IGSF10: variants seen among roughly 807,000 people sequenced by gnomAD.
IGSF10 encodes the protein immunoglobulin superfamily member 10.
In IGSF10, 126 loss-of-function variants were observed where a neutral mutation model predicts 128.2. The ratio of observed to expected loss-of-function variants is 0.98; its 90% CI spans 0.85 to 1.14. IGSF10 has a LOEUF of 1.14. Ranked by LOEUF, IGSF10 falls within the 50% of genes most tolerant of loss-of-function variation. IGSF10 has a pLI of 0.00. For missense variants in IGSF10, 3,295 were observed against 3,149.8 expected (o/e 1.05, Z -1.10); for synonymous variants, 1,185 against 1,146.2 (o/e 1.03, Z -0.68).
At chr3:151,613,696 G>C in the IGSF10 span, among the ~76,000 whole-genome samples, 1 of 151,826 alleles carries the variant, frequency 6.6e-6, no homozygotes, top group South Asian at 2.1e-4. Flanking sequence ...AAAGACTTAA[G>C]TGTTAGACCT....
the IGSF10 span, among the ~76,000 whole-genome samples, chr3:151,572,876 T>C: frequency 6.6e-6 from 1 of 152,246 alleles, no homozygotes; most frequent in Admixed American, 6.5e-5. Context: ...AGTTTCCCTG[T>C]ACACACTGCT....
chr3:151,439,123 G>A (rs1223748378), intron 7 of IGSF10, among the ~76,000 whole-genome samples: 1 of 152,042 alleles, frequency 6.6e-6, no homozygotes, highest in African/African-American at 2.4e-5. Flanking sequence ...TAATGAAGAG[G>A]CACATGCTAG....
At chr3:151,546,918 C>G in the IGSF10 span, among the ~76,000 whole-genome samples, 1 of 152,032 alleles carries the variant, frequency 6.6e-6, no homozygotes, top group Non-Finnish European at 1.5e-5. Context: ...TTACAGGCAA[C>G]TGCCACCACG....
the IGSF10 span, among the ~76,000 whole-genome samples, chr3:151,473,476 T>C: frequency 3.9e-5 from 6 of 152,240 alleles, no homozygotes; most frequent in Non-Finnish European, 8.8e-5. Flanking sequence ...GCAAAAGGTA[T>C]ATTGTGCTTC....
At chr3:151,610,903 C>T in the IGSF10 span, among the ~76,000 whole-genome samples, 1 of 152,126 alleles carries the variant, frequency 6.6e-6, no homozygotes, top group Non-Finnish European at 1.5e-5. Context: ...ATAATCACCT[C>T]ATAAAGGTCC....
chr3:151,494,513 T>C, the IGSF10 span, among the ~76,000 whole-genome samples: 55 of 152,218 alleles, frequency 3.6e-4, no homozygotes, highest in Non-Finnish European at 7.1e-4. Context: ...TGTTTAGTGA[T>C]GACTTTTCAA....
rs1220899851 is a variant in IGSF10, at chr3:151,438,408, G to A, written c.6153C>T (p.Leu2051=). Reference sequence around the variant, plus strand: ...AATCTACTTGGAAATCTTTCCCATGGAGCACTTGCTTTCTAAAATACTGCT... The same window carrying A: ...AATCTACTTGGAAATCTTTCCCATGAAGCACTTGCTTTCTAAAATACTGCT... The part of the protein sequence containing the change: ...DHKQYFRKQV[L]HGKDFQVDCK... Residue 2051 remains leucine (L), a synonymous_variant, in exon 8 of 8, where the codon CTC becomes CTT. Transcript: ENST00000282466. 6.2e-7 allele frequency: 1 copy of A among 1,614,092 alleles called. No individual in the cohort carries two copies. Among genetic ancestry groups the A allele is most frequent in the Non-Finnish European group, 8.5e-7 (1 of 1,180,016 alleles).
chr3:151,443,952 GT>G, intron 6 of IGSF10, 68 bp from the exon 7 acceptor site: 1 of 1,276,198 alleles, frequency 7.8e-7, no homozygotes, highest in Non-Finnish European at 1.1e-6. Flanking sequence ...TAAAGCTATC[GT>G]TTTTTGGGCT....
the IGSF10 span, among the ~76,000 whole-genome samples, chr3:151,592,221 TACACACACACACACACAC>T: frequency 4.2e-3 from 638 of 150,450 alleles, 6 homozygotes; most frequent in East Asian, 0.023. Flanking sequence ...TTGAGATTAA[TACACACACACACACACAC>T]ACACACACAC....
the IGSF10 span, among the ~76,000 whole-genome samples, chr3:151,492,609 T>C: frequency 6.6e-6 from 1 of 152,056 alleles, no homozygotes; most frequent in African/African-American, 2.4e-5. Context: ...TACCAGCTAC[T>C]TGGGAGGCTG....
At chr3:151,509,787 C>T in the IGSF10 span, among the ~76,000 whole-genome samples, 1 of 152,206 alleles carries the variant, frequency 6.6e-6, no homozygotes, top group Admixed American at 6.5e-5. Context: ...TAATACTGCA[C>T]TTTTCCAATG....
chr3:151,560,393 A>C, the IGSF10 span, among the ~76,000 whole-genome samples: 1 of 152,090 alleles, frequency 6.6e-6, no homozygotes, highest in African/African-American at 2.4e-5. Context: ...CGTCTAACTC[A>C]GGGAGCTTTA....
the IGSF10 span, among the ~76,000 whole-genome samples, chr3:151,592,861 A>G: frequency 6.6e-6 from 1 of 152,202 alleles, no homozygotes; most frequent in Non-Finnish European, 1.5e-5. Context: ...TTATCATGAA[A>G]TAGTCACATC....
chr3:151,525,921 T>G, the IGSF10 span, among the ~76,000 whole-genome samples: 2 of 152,186 alleles, frequency 1.3e-5, no homozygotes, highest in Admixed American at 6.6e-5. Context: ...GTGAAGTTCA[T>G]CATAGTCAAT....
chr3:151,476,226 T>C, the IGSF10 span: 3 of 152,200 alleles, frequency 2.0e-5, no homozygotes, highest in African/African-American at 7.2e-5. Flanking sequence ...GGAAACTGCT[T>C]TTAAACTGCC....
chr3:151,450,985 G>C (rs1721486079), intron 5 of IGSF10, among the ~76,000 whole-genome samples: 1 of 151,636 alleles, frequency 6.6e-6, no homozygotes, highest in African/African-American at 2.4e-5. Context: ...AGTACCCTGG[G>C]CTAAGACAAC....
At chr3:151,484,489 T>A in the IGSF10 span, among the ~76,000 whole-genome samples, 3 of 152,108 alleles carry the variant, frequency 2.0e-5, no homozygotes, top group Admixed American at 1.3e-4. Context: ...CCCTGACCCC[T>A]GTGTATCCTG....
At position 151,436,939 on chromosome 3, in the gene IGSF10, C is replaced by G; in HGVS notation, c.7622G>C (p.Arg2541Thr). ...GTGGAGCTGAAAGGCTGCCCCTGTC[C>G]TGGTGACAATACTCCTGGGTGGACG... ...TNRPPRSIVT[R>T]TGAAFQLHCV... Residue 2541 changes from arginine to threonine, a missense_variant, in exon 8 of 8, where the codon AGG (arginine) becomes ACG (threonine). Transcript: ENST00000282466. 1.2e-6 allele frequency: 2 copies of G among 1,614,178 alleles called. No individual in the cohort carries two copies. Among genetic ancestry groups the G allele is most frequent in the Non-Finnish European group, 1.7e-6 (2 of 1,180,016 alleles).
In IGSF10 at chr3:151,448,136, GA is replaced by G; in HGVS notation, c.1844del (p.Leu615ProfsTer11). 6.2e-7 allele frequency: 1 copy of G among 1,614,120 alleles called. No homozygotes were observed. Among genetic ancestry groups the G allele is most frequent in the Non-Finnish European group, 8.5e-7 (1 of 1,180,004 alleles). ...CTTTCTTGTCTCTTGATGACTGATA[GA>G]GCACATTGTTTCCTGGAATAACCCA... ...ISWVIPGNNVLYQSSRDKKVL... is the reference protein window; with the variant it reads ...ISWVIPGNNVXYQSSRDKKVL... On this transcript the variant is annotated frameshift_variant, in exon 6 of 8. Coordinates refer to ENST00000282466, the MANE Select transcript of IGSF10 (RefSeq NM_178822.5). LOFTEE classifies it high-confidence loss of function.
Sources: allele counts gnomAD v4.1 joint callset (sites outside exome capture counted in the v4.1 genomes callset), GRCh38; gene constraint gnomAD v4.1.1; transcripts MANE v1.5; gene names NCBI Gene and HGNC (gene_info 2026-07-23, HGNC 2026-07-21).